RUNDC3B: variants seen among roughly 807,000 people sequenced by gnomAD.
The protein encoded by RUNDC3B is RUN domain-containing protein 3B.
RUNDC3B carries 33 observed loss-of-function variants against 58.4 expected under a neutral mutation model. The ratio of observed to expected loss-of-function variants is 0.56; its 90% CI spans 0.43 to 0.75. The LOEUF (loss-of-function observed/expected upper bound fraction) is 0.75. Ranked by LOEUF, RUNDC3B falls within the 30% of genes least tolerant of loss-of-function variation. The probability of loss-of-function intolerance (pLI) is 0.00; values close to 1 mark genes in which losing one functional copy is unlikely to be tolerated. For synonymous variants in RUNDC3B, 193 were observed against 195.2 expected, an observed-to-expected ratio of 0.99 and a Z score of 0.10; for missense variants, 501 against 535.7, an observed-to-expected ratio of 0.94 and a Z score of 0.64.
intron 2 of RUNDC3B, among the ~76,000 whole-genome samples, chr7:87,663,327 C>T (rs896108357): frequency 6.6e-6 from 1 of 152,012 alleles, no homozygotes; most frequent in Non-Finnish European, 1.5e-5. Context: ...GTTTATTACC[C>T]ATTGACGCTA....
Position 87,778,539 on chromosome 7 carries a change from G to A in RUNDC3B, c.956+584G>A, listed in dbSNP as rs535429526. ...CAGCATAAACTGGTTATAACTTGGTGTATATTATTCCAAATGCATATGTAT... is the reference window on the plus strand; with the variant it reads ...CAGCATAAACTGGTTATAACTTGGTATATATTATTCCAAATGCATATGTAT... On this transcript the variant is annotated intron_variant, in intron 8 of 10. Coordinates refer to ENST00000394654, the MANE Select transcript of RUNDC3B (RefSeq NM_001134405.2). 5.9e-5 allele frequency among the ~76,000 whole-genome samples: 9 copies of A among 152,082 alleles called. No individual in the cohort carries two copies. The East Asian group carries it at 1.5e-3, about 26-fold the overall frequency.
At chr7:87,770,968 C>T (rs1272438682) in intron 7 of RUNDC3B, among the ~76,000 whole-genome samples, 1 of 152,090 alleles carries the variant, frequency 6.6e-6, no homozygotes, top group Non-Finnish European at 1.5e-5. Flanking sequence ...AAAAACAAGC[C>T]ATTATTTTAA....
At chr7:87,715,240 A>C (rs1830452614) in intron 4 of RUNDC3B, among the ~76,000 whole-genome samples, 1 of 126,838 alleles carries the variant, frequency 7.9e-6, no homozygotes, top group Non-Finnish European at 1.6e-5. Context: ...AGGACTTTAT[A>C]TATATAATTA....
At chr7:87,829,804 C>A in intron 10 of RUNDC3B, 81 bp from the exon 11 acceptor site, 1 of 1,048,532 alleles carries the variant, frequency 9.5e-7, no homozygotes, top group Non-Finnish European at 1.4e-6. Flanking sequence ...TTGATTCTTC[C>A]AATTTCTAAT....
At chr7:87,757,997 A>G (rs934486023) in intron 6 of RUNDC3B, among the ~76,000 whole-genome samples, 1 of 152,176 alleles carries the variant, frequency 6.6e-6, no homozygotes, top group Non-Finnish European at 1.5e-5. Flanking sequence ...ATATACAAAA[A>G]CCAAATCAAA....
intron 4 of RUNDC3B, among the ~76,000 whole-genome samples, chr7:87,738,760 G>T (rs1268680848): frequency 1.3e-5 from 2 of 151,674 alleles, no homozygotes; most frequent in Non-Finnish European, 3.0e-5. Context: ...TAATTTATGG[G>T]TTTTTTTGCA....
intron 7 of RUNDC3B, among the ~76,000 whole-genome samples, chr7:87,771,468 A>C (rs1367073204): frequency 6.6e-6 from 1 of 152,204 alleles, no homozygotes; most frequent in Non-Finnish European, 1.5e-5. Flanking sequence ...TTCATGCGCT[A>C]TTAAAGACTT....
At chr7:87,764,497 G>A (rs1833870802) in intron 6 of RUNDC3B, among the ~76,000 whole-genome samples, 1 of 151,742 alleles carries the variant, frequency 6.6e-6, no homozygotes, top group African/African-American at 2.4e-5. Flanking sequence ...TGGGCTTCTA[G>A]TGTAACCATC....
intron 10 of RUNDC3B, 55 bp downstream of exon 10, chr7:87,816,317 T>A: frequency 6.9e-7 from 1 of 1,456,216 alleles, no homozygotes; most frequent in Non-Finnish European, 9.4e-7. Context: ...CATCTATATT[T>A]TGGTTGCAGA....
At chr7:87,774,398 T>C (rs1347830075) in intron 7 of RUNDC3B, among the ~76,000 whole-genome samples, 1 of 151,868 alleles carries the variant, frequency 6.6e-6, no homozygotes, top group East Asian at 1.9e-4. Flanking sequence ...TAATAGATAT[T>C]GGTGAAGTAA....
chr7:87,708,996 A>T (rs1435891304), intron 3 of RUNDC3B, among the ~76,000 whole-genome samples: 1 of 152,128 alleles, frequency 6.6e-6, no homozygotes, highest in Non-Finnish European at 1.5e-5. Context: ...TCCTTAATCT[A>T]GTTTTTAAGT....
At chr7:87,749,661 C>T (rs1398087134) in intron 6 of RUNDC3B, among the ~76,000 whole-genome samples, 1 of 151,634 alleles carries the variant, frequency 6.6e-6, no homozygotes, top group Non-Finnish European at 1.5e-5. Context: ...AACATCAGTC[C>T]CTCCCCCCAC....
chr7:87,674,619 A>G (rs1826141605), intron 2 of RUNDC3B, among the ~76,000 whole-genome samples: 1 of 151,950 alleles, frequency 6.6e-6, no homozygotes, highest in South Asian at 2.1e-4. Flanking sequence ...CTTGGGGGTA[A>G]GCTGTGGGTG....
At chr7:87,630,870 G>A (rs1821146412) in intron 1 of RUNDC3B, among the ~76,000 whole-genome samples, 1 of 151,962 alleles carries the variant, frequency 6.6e-6, no homozygotes, top group Admixed American at 6.6e-5. Context: ...AAAAGGATTT[G>A]TATTTCAACC....
chr7:87,789,294 C>T (rs1835400658), intron 8 of RUNDC3B, among the ~76,000 whole-genome samples: 1 of 152,068 alleles, frequency 6.6e-6, no homozygotes, highest in Non-Finnish European at 1.5e-5. Flanking sequence ...ATATGGTTTC[C>T]TAGTAAAGAA....
intron 4 of RUNDC3B, among the ~76,000 whole-genome samples, chr7:87,715,851 G>T (rs1830525355): frequency 6.6e-6 from 1 of 152,002 alleles, no homozygotes; most frequent in South Asian, 2.1e-4. Flanking sequence ...GGAGGGAATG[G>T]AGAATGGAAA....
chr7:87,733,140 A>AT (rs1320006619), intron 4 of RUNDC3B, among the ~76,000 whole-genome samples: 2 of 151,716 alleles, frequency 1.3e-5, no homozygotes, highest in Admixed American at 1.3e-4. Flanking sequence ...GCGCCCCCCC[A>AT]TGCGTCTGTT....
chr7:87,823,356 A>G (rs529807930), intron 10 of RUNDC3B, among the ~76,000 whole-genome samples: 8 of 152,176 alleles, frequency 5.3e-5, no homozygotes, highest in East Asian at 1.9e-4. Context: ...CACACTGTCT[A>G]TGCAAAACTA....
rs544838729 is a variant in RUNDC3B, at chr7:87,803,562, G to A, written c.957-3811G>A. On this transcript the variant is annotated intron_variant, in intron 8 of 10. Transcript: ENST00000394654. ...GAGGAGATTCCTCAAGGATCTAGAAGCCTATTAGAAGCGGTAGAGTATAAT... is the reference window on the plus strand; with the variant it reads ...GAGGAGATTCCTCAAGGATCTAGAAACCTATTAGAAGCGGTAGAGTATAAT... Among the ~76,000 whole-genome samples the A allele has an allele frequency of 2.0e-5, 3 of 152,256 alleles. No homozygotes were observed. The East Asian group carries it at 5.8e-4, about 29-fold the overall frequency.
Sources: allele counts gnomAD v4.1 joint callset (sites outside exome capture counted in the v4.1 genomes callset), GRCh38; gene constraint gnomAD v4.1.1; transcripts MANE v1.5; gene names NCBI Gene and HGNC (gene_info 2026-07-23, HGNC 2026-07-21).